UPP2: variants seen among roughly 807,000 people sequenced by gnomAD.
The protein encoded by UPP2 is uridine phosphorylase 2.
UPP2 carries 23 observed loss-of-function variants against 26.7 expected under a neutral mutation model. The ratio of observed to expected loss-of-function variants is 0.86; its 90% CI spans 0.62 to 1.22. UPP2 has a LOEUF of 1.22. Among genes scored for constraint, UPP2 ranks in the 50% most tolerant of loss-of-function variants. The pLI is 0.00. For missense variants in UPP2, 387 were observed against 396.7 expected, an observed-to-expected ratio of 0.98 and a Z score of 0.21; for synonymous variants, 127 against 141.3, an observed-to-expected ratio of 0.90 and a Z score of 0.72.
rs750845552 is a variant in UPP2, at chr2:158,135,748, T to G, written c.*858T>G. The G allele has an allele frequency of 1.3e-5, 2 of 152,220 alleles. No homozygotes were observed. The highest frequency in any genetic ancestry group is 2.9e-5 in the Non-Finnish European group (2 of 68,042). 9.4% of individuals were successfully genotyped at this position (152,220 alleles called of 1,614,324 possible). A position where few individuals can be genotyped will look rare whatever the true frequency, so the allele number is the denominator to read the frequency against. ...ACTTGTCCAGACCGGCCTATTGCCC[T>G]ACCCGTTTGATTCTCTGGGAGGCAT... On this transcript the variant is annotated 3_prime_UTR_variant, in exon 7 of 7. Coordinates refer to ENST00000005756, the MANE Select transcript of UPP2 (RefSeq NM_173355.4).
chr2:158,071,503 A>C (rs572596565), intron 3 of UPP2, among the ~76,000 whole-genome samples: 83 of 143,638 alleles, frequency 5.8e-4, no homozygotes, highest in South Asian at 5.3e-3. Context: ...GTGAACCTAG[A>C]TCATGGTATT....
rs1045348819 is a variant in UPP2, at chr2:158,127,951, T to C, written c.811+4056T>C. Reference sequence around the variant, plus strand: ...TCACTTTATAATATGCACATATCTGTGTCTCTCTTAAAGCAAAATCTACTT... The same window carrying C: ...TCACTTTATAATATGCACATATCTGCGTCTCTCTTAAAGCAAAATCTACTT... On this transcript the variant is annotated intron_variant, in intron 6 of 6. Coordinates refer to ENST00000005756, the MANE Select transcript of UPP2 (RefSeq NM_173355.4). 5 of 969,850 alleles carry C rather than the reference T, an allele frequency of 5.2e-6. No individual in the cohort carries two copies. In the African/African-American group the frequency reaches 8.8e-5, roughly 17 times the overall value. 60.1% of individuals were successfully genotyped at this position (969,850 alleles called of 1,614,324 possible). A position where few individuals can be genotyped will look rare whatever the true frequency, so the allele number is the denominator to read the frequency against.
In UPP2 at chr2:158,108,106, T is replaced by C. The variant is rs542270319; in HGVS notation, c.180+1890T>C. On this transcript the variant is annotated intron_variant, in intron 2 of 6. Transcript: ENST00000005756. ...CTAAGGCACACAGCTGGTTAATACA[T>C]TTAAAAGACTTGAGATATATATTTG... is the stretch of plus-strand genomic sequence containing the variant. 4.6e-5 allele frequency among the ~76,000 whole-genome samples: 7 copies of C among 152,320 alleles called. No individual in the cohort carries two copies. The South Asian group carries it at 1.5e-3, about 32-fold the overall frequency.
rs758192437 is a variant in UPP2, at chr2:158,101,919, T to A, written c.-145T>A. ...CTAAAGGAAAAATTTTCTTAGCAATTTCACAGGAAAACCTAAGTTTTAAGA... is the reference window on the plus strand; with the variant it reads ...CTAAAGGAAAAATTTTCTTAGCAATATCACAGGAAAACCTAAGTTTTAAGA... On this transcript the variant is annotated 5_prime_UTR_variant, in exon 1 of 7. Transcript: ENST00000005756. 6.2e-5 allele frequency: 85 copies of A among 1,366,196 alleles called. No homozygotes were observed. Among genetic ancestry groups the A allele is most frequent in the Non-Finnish European group, 7.9e-5 (84 of 1,059,794 alleles). 84.6% of individuals were successfully genotyped at this position (1,366,196 alleles called of 1,614,324 possible).
chr2:158,057,740 TTTTG>T (rs1682269879), intron 3 of UPP2, among the ~76,000 whole-genome samples: 1 of 150,410 alleles, frequency 6.6e-6, no homozygotes, highest in Admixed American at 6.6e-5. Flanking sequence ...TCAGATTCTT[TTTTG>T]TTTTTTAACT....
intron 2 of UPP2, among the ~76,000 whole-genome samples, chr2:158,009,236 T>C (rs1258764953): frequency 6.6e-6 from 1 of 152,240 alleles, no homozygotes; most frequent in African/African-American, 2.4e-5. Context: ...TTCTAAAGCA[T>C]GTACATTCTG....
chr2:158,006,271 A>G (rs1683485757), intron 2 of UPP2, among the ~76,000 whole-genome samples: 1 of 152,178 alleles, frequency 6.6e-6, no homozygotes, highest in Non-Finnish European at 1.5e-5. Flanking sequence ...CATCCTGGCT[A>G]ACACGGTGAA....
chr2:158,108,537 AG>A (rs1683241781), intron 2 of UPP2, among the ~76,000 whole-genome samples: 1 of 152,108 alleles, frequency 6.6e-6, no homozygotes, highest in South Asian at 2.1e-4. Context: ...TGGGATGGAA[AG>A]CTTTGTTTTA....
intron 3 of UPP2, among the ~76,000 whole-genome samples, chr2:158,094,927 C>T (rs1332033231): frequency 1.3e-5 from 2 of 152,228 alleles, no homozygotes; most frequent in African/African-American, 4.8e-5. Context: ...TCTGGTTAAG[C>T]GCTTTCATCA....
intron 3 of UPP2, among the ~76,000 whole-genome samples, chr2:158,092,740 A>C (rs183408584): frequency 2.0e-5 from 3 of 152,234 alleles, no homozygotes; most frequent in Non-Finnish European, 2.9e-5. Context: ...GTTACTTTAT[A>C]CCAAAATGTG....
In UPP2 at chr2:158,011,644, G is replaced by C. The variant is rs1574244547; in HGVS notation, c.62-4157G>C. Among the ~76,000 whole-genome samples the C allele has an allele frequency of 2.1e-5, 3 of 140,552 alleles. No individual in the cohort carries two copies. The South Asian group carries it at 7.9e-4, about 37-fold the overall frequency. 92.2% of individuals were successfully genotyped at this position (140,552 alleles called of 152,430 possible). The stretch of plus-strand genomic sequence containing the variant: ...ATGTAGGGTCATGTGAAAAGATCAA[G>C]TTTTCACACAGAACACTTGTCTGGA... On this transcript the variant is annotated intron_variant, in intron 2 of 9. Transcript: ENST00000605860.
chr2:158,027,888 G>C (rs1323555638), intron 3 of UPP2, among the ~76,000 whole-genome samples: 2 of 152,238 alleles, frequency 1.3e-5, no homozygotes, highest in Non-Finnish European at 2.9e-5. Flanking sequence ...ATCCTCTAAA[G>C]TCATGGCCTG....
At chr2:158,026,751 A>C (rs1308096973) in intron 3 of UPP2, among the ~76,000 whole-genome samples, 1 of 152,170 alleles carries the variant, frequency 6.6e-6, no homozygotes, top group Non-Finnish European at 1.5e-5. Context: ...GTCCATTTTC[A>C]TGCCGCTGAT....
chr2:158,092,581 A>T (rs1318271808), intron 3 of UPP2, among the ~76,000 whole-genome samples: 1 of 152,224 alleles, frequency 6.6e-6, no homozygotes, highest in African/African-American at 2.4e-5. Flanking sequence ...GTACTTTAGA[A>T]AGAAAGAAAC....
upstream of UPP2, among the ~76,000 whole-genome samples, chr2:158,097,152 G>A (rs1682998216): frequency 6.6e-6 from 1 of 151,904 alleles, no homozygotes; most frequent in Non-Finnish European, 1.5e-5. Flanking sequence ...AACAAACTTA[G>A]CACATAGTAG....
At chr2:158,034,930 A>C (rs1452575100) in intron 3 of UPP2, among the ~76,000 whole-genome samples, 1 of 152,162 alleles carries the variant, frequency 6.6e-6, no homozygotes, top group Non-Finnish European at 1.5e-5. Flanking sequence ...GCACATCAGA[A>C]GCCCCAGAGC....
chr2:158,062,302 G>T (rs1444945724), intron 3 of UPP2, among the ~76,000 whole-genome samples: 1 of 152,152 alleles, frequency 6.6e-6, no homozygotes, highest in Admixed American at 6.5e-5. Flanking sequence ...ATTTAAGCTT[G>T]GTTACTTTAA....
At chr2:158,115,455 T>C (rs969074417) in intron 3 of UPP2, among the ~76,000 whole-genome samples, 196 bp downstream of exon 3, 3 of 152,192 alleles carry the variant, frequency 2.0e-5, no homozygotes, top group African/African-American at 7.2e-5. Context: ...GTTTATTAGT[T>C]ACCACTTAGG....
intron 3 of UPP2, among the ~76,000 whole-genome samples, chr2:158,065,306 T>C (rs1341095844): frequency 6.6e-6 from 1 of 152,190 alleles, no homozygotes. Flanking sequence ...AGTTCTGACC[T>C]AGATAGGGTA....
Sources: gnomAD v4.1 joint callset for allele counts (sites outside exome capture counted in the v4.1 genomes callset) on GRCh38, gnomAD v4.1.1 for gene constraint, MANE v1.5 for transcripts, NCBI Gene and HGNC (gene_info 2026-07-23, HGNC 2026-07-21) for gene names.